TTLL1: variants seen among roughly 807,000 people sequenced by gnomAD.
The protein encoded by TTLL1 is polyglutamylase complex subunit TTLL1.
A neutral mutation model predicts 47.8 loss-of-function variants in TTLL1; 33 were observed. The observed-to-expected ratio is 0.69, with a 90% CI of 0.52 to 0.92. The LOEUF (loss-of-function observed/expected upper bound fraction) is 0.92. Ranked by LOEUF, TTLL1 falls within the 40% of genes least tolerant of loss-of-function variation. The pLI is 0.00. For missense variants in TTLL1, 488 were observed against 547.5 expected (o/e 0.89, Z 1.08); for synonymous variants, 225 against 214.1 (o/e 1.05, Z -0.45).
rs12628977 is a variant in TTLL1 at position 43,052,148 on chromosome 22, A to G, written c.892-261T>C. Reference sequence around the variant, plus strand: ...CGTCTCACTCATCAGAGGCTTGACTAGCACCCAACCCCTCTGTTGGCGTGA... The same window carrying G: ...CGTCTCACTCATCAGAGGCTTGACTGGCACCCAACCCCTCTGTTGGCGTGA... On this transcript the variant is annotated intron_variant, in intron 8 of 10. Coordinates refer to ENST00000266254, the MANE Select transcript of TTLL1 (RefSeq NM_012263.5). The G allele has an allele frequency of 1.9e-5, 9 of 470,368 alleles. No homozygotes were observed. The East Asian group carries it at 3.7e-4, about 19-fold the overall frequency. The allele number at this position is 470,368 out of a possible 1,614,324, so 29.1% of individuals were successfully genotyped here.
intron 9 of TTLL1, among the ~76,000 whole-genome samples, chr22:43,049,149 C>T (rs1481299853): frequency 6.7e-6 from 1 of 150,196 alleles, no homozygotes; most frequent in East Asian, 1.9e-4. Flanking sequence ...AAAAAAAAGG[C>T]TGGGAGCAGT....
chr22:43,047,201 C>T (rs1354153028), intron 9 of TTLL1, among the ~76,000 whole-genome samples: 3 of 152,162 alleles, frequency 2.0e-5, no homozygotes, highest in Admixed American at 6.6e-5. Flanking sequence ...ACCAAGAGCC[C>T]CACAAGGGTT....
intron 10 of TTLL1, among the ~76,000 whole-genome samples, chr22:43,042,642 A>C (rs1179341597): frequency 6.6e-6 from 1 of 152,180 alleles, no homozygotes; most frequent in Admixed American, 6.5e-5. Flanking sequence ...TGCTGTGGGC[A>C]CGCAGAGCAC....
At chr22:43,051,671 G>A (rs1039292346) in intron 9 of TTLL1, 130 bp downstream of exon 9, 27 of 867,414 alleles carry the variant, frequency 3.1e-5, no homozygotes, top group Non-Finnish European at 4.8e-5. Flanking sequence ...AATCAAACTC[G>A]AACATCAGTC....
At chr22:43,068,677 C>T (rs1469193549) in intron 4 of TTLL1, 87 bp from the exon 5 acceptor site, 2 of 1,277,794 alleles carry the variant, frequency 1.6e-6, no homozygotes, top group Non-Finnish European at 2.0e-6. Context: ...CTTTCCAGGG[C>T]CTGTGGGCTG....
intron 1 of TTLL1, among the ~76,000 whole-genome samples, chr22:43,087,260 C>T (rs1929282439): frequency 6.6e-6 from 1 of 152,186 alleles, no homozygotes; most frequent in Admixed American, 6.6e-5. Flanking sequence ...GCACCTGGAG[C>T]TTGTTAGAAA....
chr22:43,081,595 G>A (rs919374714), intron 1 of TTLL1, among the ~76,000 whole-genome samples: 25 of 152,136 alleles, frequency 1.6e-4, no homozygotes, highest in African/African-American at 5.8e-4. Context: ...AGTCGCCCAG[G>A]CTGGAGTGCA....
chr22:43,054,468 AGG>A lies in TTLL1; in HGVS notation c.892-2583_892-2582del, dbSNP rs1569421220. On this transcript the variant is annotated intron_variant, in intron 8 of 10. Coordinates refer to ENST00000266254, the MANE Select transcript of TTLL1 (RefSeq NM_012263.5). ...AGATGGAGTTTTGCTCTTGTTGCCC[AGG>A]CTGGAGTACAATGGCACGGTCTCGG... is the stretch of plus-strand genomic sequence containing the variant. 9.4e-5 allele frequency among the ~76,000 whole-genome samples: 13 copies of A among 138,318 alleles called. No individual in the cohort carries two copies. The East Asian group carries it at 2.7e-3, about 29-fold the overall frequency. The allele number at this position is 138,318 out of a possible 152,430, so 90.7% of individuals were successfully genotyped here.
At chr22:43,048,415 G>C (rs1005639158) in intron 9 of TTLL1, among the ~76,000 whole-genome samples, 1 of 149,248 alleles carries the variant, frequency 6.7e-6, no homozygotes, top group Admixed American at 6.7e-5. Flanking sequence ...TGGAGGGATC[G>C]CTTGAAGCTA....
At chr22:43,045,895 G>A (rs1926091298) in intron 10 of TTLL1, among the ~76,000 whole-genome samples, 1 of 152,102 alleles carries the variant, frequency 6.6e-6, no homozygotes, top group African/African-American at 2.4e-5. Context: ...TTTTGAGTAG[G>A]AGCATACACA....
chr22:43,087,346 G>A (rs905512265), intron 1 of TTLL1, among the ~76,000 whole-genome samples: 1 of 151,918 alleles, frequency 6.6e-6, no homozygotes, highest in East Asian at 1.9e-4. Context: ...CTAACATGGT[G>A]AAACCCCGTC....
chr22:43,080,732 A>C (rs1358042927), intron 1 of TTLL1, among the ~76,000 whole-genome samples: 1 of 121,296 alleles, frequency 8.2e-6, no homozygotes, highest in African/African-American at 2.7e-5. Flanking sequence ...AGCCATTCTC[A>C]GCCTTAGCTG....
At chr22:43,074,771 G>A (rs898957205) in intron 3 of TTLL1, among the ~76,000 whole-genome samples, 1 of 152,208 alleles carries the variant, frequency 6.6e-6, no homozygotes, top group African/African-American at 2.4e-5. Flanking sequence ...CGGACATGGT[G>A]GCTCATGCCT....
intron 10 of TTLL1, among the ~76,000 whole-genome samples, chr22:43,042,573 G>C (rs1336439607): frequency 6.6e-6 from 1 of 152,218 alleles, no homozygotes; most frequent in Non-Finnish European, 1.5e-5. Context: ...GTATGGCCTG[G>C]GGCACGTGAC....
chr22:43,087,769 C>A lies in TTLL1; in HGVS notation c.-90+1508G>T, dbSNP rs137870495. ...GGGAGGATTGCTTGAACCCGGGAGG[C>A]AGAGGTTGCAGTGAGCCAAGATCGC... On this transcript the variant is annotated intron_variant, in intron 1 of 10. Transcript: ENST00000266254. Among the ~76,000 whole-genome samples the A allele has an allele frequency of 4.1e-3, 588 of 141,708 alleles. 2 individuals are homozygous for A. Among genetic ancestry groups the A allele is most frequent in the African/African-American group, 0.015 (558 of 36,850 alleles). 93.0% of individuals were successfully genotyped at this position (141,708 alleles called of 152,430 possible).
intron 2 of TTLL1, among the ~76,000 whole-genome samples, chr22:43,077,726 C>G (rs895104521): frequency 6.6e-6 from 1 of 152,188 alleles, no homozygotes; most frequent in Non-Finnish European, 1.5e-5. Context: ...CCGGCTCCAA[C>G]CAGGAAGGCT....
At chr22:43,070,024 G>T in intron 3 of TTLL1, 180 bp from the exon 4 acceptor site, 1 of 1,208,406 alleles carries the variant, frequency 8.3e-7, no homozygotes, top group South Asian at 1.5e-5. Context: ...CCCAGGGACA[G>T]GCCGGGACCC....
At position 43,054,971 on chromosome 22, in the gene TTLL1, G is replaced by A. The variant is rs146704865; in HGVS notation, c.892-3084C>T. Among the ~76,000 whole-genome samples, 1,069 of 151,018 alleles carry A rather than the reference G, an allele frequency of 7.1e-3. 10 individuals are homozygous for A. Among genetic ancestry groups the A allele is most frequent in the African/African-American group, 0.025 (1,010 of 41,118 alleles). ...GATCTTCTGACCTTGTGATCCGCCC[G>A]CCTAGGCCTCCCAAAGTGCTGGGAT... On this transcript the variant is annotated intron_variant, in intron 8 of 10. Coordinates refer to ENST00000266254, the MANE Select transcript of TTLL1 (RefSeq NM_012263.5).
At chr22:43,075,728 T>C (rs1167886190) in intron 2 of TTLL1, 138 bp from the exon 3 acceptor site, 3 of 748,982 alleles carry the variant, frequency 4.0e-6, no homozygotes, top group Non-Finnish European at 6.8e-6. Flanking sequence ...AGTGATTCCA[T>C]CTCCCAGGGG....
Sources: allele counts gnomAD v4.1 joint callset (sites outside exome capture counted in the v4.1 genomes callset), GRCh38; gene constraint gnomAD v4.1.1; transcripts MANE v1.5; gene names NCBI Gene and HGNC (gene_info 2026-07-23, HGNC 2026-07-21).